SEC24B: variants seen among roughly 807,000 people sequenced by gnomAD.
SEC24B encodes the protein SEC24 homolog B, COPII component, also known as protein transport protein Sec24B.
A neutral mutation model predicts 142.8 loss-of-function variants in SEC24B; 45 were observed. That is an observed-to-expected ratio of 0.32 (90% CI 0.25 to 0.40). SEC24B has a LOEUF of 0.40. Ranked by LOEUF, SEC24B falls within the 10% of genes least tolerant of loss-of-function variation. The probability of loss-of-function intolerance (pLI) is 1.00; values close to 1 mark genes in which losing one functional copy is unlikely to be tolerated. For missense variants in SEC24B, 1,409 were observed against 1,526.8 expected (o/e 0.92, Z 1.29); for synonymous variants, 574 against 568.2 (o/e 1.01, Z -0.15).
chr4:109,539,504 G>A lies in SEC24B; in HGVS notation c.3693-57G>A, dbSNP rs1244977042. On this transcript the variant is annotated intron_variant, in intron 23 of 23. Transcript: ENST00000265175. ...GTAATTTTATGAGCTAGATTGCAAA[G>A]TGGTGAAATCAGGGCTTTTAAATAC... is the stretch of plus-strand genomic sequence containing the variant. 7 of 996,760 alleles carry A rather than the reference G, an allele frequency of 7.0e-6. No homozygotes were observed. The African/African-American group carries it at 8.0e-5, about 11-fold the overall frequency. 61.7% of individuals were successfully genotyped at this position (996,760 alleles called of 1,614,324 possible). A position where few individuals can be genotyped will look rare whatever the true frequency, so the allele number is the denominator to read the frequency against.
intron 11 of SEC24B, among the ~76,000 whole-genome samples, chr4:109,519,354 G>C (rs1356020927): frequency 6.6e-6 from 1 of 152,144 alleles, no homozygotes; most frequent in Non-Finnish European, 1.5e-5. Flanking sequence ...AATGGAAAAT[G>C]TTTTAAAAAT....
chr4:109,484,187 G>A (rs1403193274), intron 4 of SEC24B, among the ~76,000 whole-genome samples: 2 of 152,202 alleles, frequency 1.3e-5, no homozygotes, highest in African/African-American at 4.8e-5. Flanking sequence ...GTCTCCAACA[G>A]TTCATTAGCC....
Position 109,462,863 on chromosome 4 carries a change from A to G in SEC24B, c.134-38A>G, listed in dbSNP as rs559673448. ...TGGGGGCTATTTTTAAAAATTAGTTATCTCTTTACAAATACCTGTAAATAC... is the reference window on the plus strand; with the variant it reads ...TGGGGGCTATTTTTAAAAATTAGTTGTCTCTTTACAAATACCTGTAAATAC... On this transcript the variant is annotated intron_variant, in intron 1 of 23. Coordinates refer to ENST00000265175, the MANE Select transcript of SEC24B (RefSeq NM_006323.5). 4 of 1,450,838 alleles carry G rather than the reference A, an allele frequency of 2.8e-6. No individual in the cohort carries two copies. The African/African-American group carries it at 4.4e-5, about 16-fold the overall frequency. The allele number at this position is 1,450,838 out of a possible 1,614,324, so 89.9% of individuals were successfully genotyped here.
chr4:109,436,061 GCAGAAAGGCC>G (rs1728382341), intron 1 of SEC24B, among the ~76,000 whole-genome samples: 1 of 152,178 alleles, frequency 6.6e-6, no homozygotes, highest in African/African-American at 2.4e-5. Flanking sequence ...GGGTCAGGTT[GCAGAAAGGCC>G]TTAAATGTTA....
intron 4 of SEC24B, among the ~76,000 whole-genome samples, chr4:109,489,363 G>A (rs1456109344): frequency 6.6e-6 from 1 of 151,852 alleles, no homozygotes; most frequent in Non-Finnish European, 1.5e-5. Context: ...CCATTGAAAT[G>A]TCATGGTAAA....
At position 109,539,776 on chromosome 4, in the gene SEC24B, C is replaced by T; in HGVS notation, c.*101C>T. ...TTTGAAATGAAGGCATTTGTTAATACAAGATGCAACGCACAGCACTCTGTC... is the reference window on the plus strand; with the variant it reads ...TTTGAAATGAAGGCATTTGTTAATATAAGATGCAACGCACAGCACTCTGTC... On this transcript the variant is annotated 3_prime_UTR_variant, in exon 24 of 24. Coordinates refer to ENST00000265175, the MANE Select transcript of SEC24B (RefSeq NM_006323.5). The T allele has an allele frequency of 2.7e-6, 2 of 728,084 alleles. No individual in the cohort carries two copies. Among genetic ancestry groups the T allele is most frequent in the Non-Finnish European group, 2.4e-6 (1 of 425,292 alleles). The allele number at this position is 728,084 out of a possible 1,614,324, so 45.1% of individuals were successfully genotyped here. A position where few individuals can be genotyped will look rare whatever the true frequency, so the allele number is the denominator to read the frequency against.
At chr4:109,531,611 G>A in intron 20 of SEC24B, 89 bp downstream of exon 20, 1 of 987,530 alleles carries the variant, frequency 1.0e-6, no homozygotes, top group Non-Finnish European at 1.5e-6. Flanking sequence ...ACTATCAACT[G>A]GTTTTTCTTT....
chr4:109,472,399 G>GA (rs1339603108), intron 2 of SEC24B, among the ~76,000 whole-genome samples: 1 of 152,156 alleles, frequency 6.6e-6, no homozygotes, highest in Non-Finnish European at 1.5e-5. Flanking sequence ...GACCAATGAT[G>GA]AGTCATGCAC....
At chr4:109,483,241 G>A (rs1465104831) in intron 4 of SEC24B, among the ~76,000 whole-genome samples, 1 of 150,834 alleles carries the variant, frequency 6.6e-6, no homozygotes, top group South Asian at 2.1e-4. Flanking sequence ...CACCACGCCT[G>A]GCTAATTTTT....
At chr4:109,515,380 C>T (rs1424655702) in intron 10 of SEC24B, among the ~76,000 whole-genome samples, 3 of 152,132 alleles carry the variant, frequency 2.0e-5, no homozygotes, top group Non-Finnish European at 4.4e-5. Context: ...AGATTACAGG[C>T]GTGAGCTACT....
intron 14 of SEC24B, 140 bp from the exon 15 acceptor site, chr4:109,524,678 G>T: frequency 1.7e-6 from 1 of 583,966 alleles, no homozygotes; most frequent in South Asian, 3.3e-5. Flanking sequence ...ATTATCATAG[G>T]GAATCTGCAC....
chr4:109,481,851 A>T, intron 4 of SEC24B, 70 bp downstream of exon 4: 1 of 1,120,610 alleles, frequency 8.9e-7, no homozygotes, highest in South Asian at 1.5e-5. Flanking sequence ...CCACAGTCTT[A>T]CTTAGCCTTT....
chr4:109,486,829 A>G (rs923066940), intron 4 of SEC24B, among the ~76,000 whole-genome samples: 3 of 152,212 alleles, frequency 2.0e-5, no homozygotes, highest in African/African-American at 7.2e-5. Context: ...TCAAATACGT[A>G]TAATATGATA....
At position 109,521,558 on chromosome 4, in the gene SEC24B, C is replaced by T; in HGVS notation, c.2440C>T (p.Gln814Ter). 6.2e-7 allele frequency: 1 copy of T among 1,614,092 alleles called. No individual in the cohort carries two copies. The highest frequency in any genetic ancestry group is 8.5e-7 in the Non-Finnish European group (1 of 1,179,986). Reference sequence around the variant, plus strand: ...TGGCCGTGTGTCTGTATTTCAGACACAGTTACCTTCCTTGGGTGCAGGACT... The same window carrying T: ...TGGCCGTGTGTCTGTATTTCAGACATAGTTACCTTCCTTGGGTGCAGGACT... ...TGGRVSVFQT[Q>*]LPSLGAGLLQ... Residue 814 changes from glutamine to a stop codon, truncating the protein, a stop_gained, in exon 14 of 24, where the codon CAG becomes TAG. Coordinates refer to ENST00000265175, the MANE Select transcript of SEC24B (RefSeq NM_006323.5). LOFTEE classifies it high-confidence loss of function.
chr4:109,478,083 A>G (rs1327532778), intron 3 of SEC24B, among the ~76,000 whole-genome samples: 1 of 152,122 alleles, frequency 6.6e-6, no homozygotes, highest in East Asian at 1.9e-4. Flanking sequence ...GGACTTCGAG[A>G]CCAGTCTGGC....
chr4:109,468,431 C>T (rs146572973), intron 2 of SEC24B, among the ~76,000 whole-genome samples: 2 of 152,332 alleles, frequency 1.3e-5, no homozygotes, highest in Admixed American at 6.5e-5. Flanking sequence ...ATCCCCTCTC[C>T]AGAGTATCAG....
At chr4:109,497,115 A>G (rs937383864) in intron 6 of SEC24B, among the ~76,000 whole-genome samples, 15 of 152,206 alleles carry the variant, frequency 9.9e-5, no homozygotes, top group African/African-American at 2.7e-4. Context: ...CCATTCTTCT[A>G]TGTTATTGTC....
chr4:109,436,647 A>C (rs1402576897), intron 1 of SEC24B, among the ~76,000 whole-genome samples: 2 of 152,240 alleles, frequency 1.3e-5, no homozygotes, highest in South Asian at 2.1e-4. Flanking sequence ...GAGATGACTT[A>C]GGATGGGTCT....
rs767106797 is a variant in SEC24B at position 109,463,080 on chromosome 4, A to G, written c.313A>G (p.Asn105Asp). ...YTVPTQNVTP[N>D]TVNQQPGAQQ... ...AGTACCAACACAAAATGTGACTCCT[A>G]ACACAGTGAACCAGCAACCAGGAGC... The change falls in exon 2 of 24, where the codon AAC becomes GAC. Residue 105 changes from asparagine (N) to aspartate (D), a missense_variant. By Grantham distance (23) the Asn-to-Asp change is conservative. Around this residue, in one of 2 missense-constraint regions of SEC24B, gnomAD observed 709 missense variants for 673.5 expected, o/e 1.05. Coordinates refer to ENST00000265175, the MANE Select transcript of SEC24B (RefSeq NM_006323.5). 1 of 1,614,140 alleles carries G rather than the reference A, an allele frequency of 6.2e-7. No homozygotes were observed. Among genetic ancestry groups the G allele is most frequent in the East Asian group, 2.2e-5 (1 of 44,874 alleles).
Sources: allele counts gnomAD v4.1 joint callset (sites outside exome capture counted in the v4.1 genomes callset), GRCh38; gene constraint gnomAD v4.1.1; regional missense constraint gnomAD v4.1.1; transcripts MANE v1.5; gene names NCBI Gene and HGNC (gene_info 2026-07-23, HGNC 2026-07-21).